The following ALPK2 variants were observed in gnomAD, a reference collection of about 807,000 sequenced individuals.
ALPK2 encodes alpha-protein kinase 2.
ALPK2 carries 127 observed loss-of-function variants against 163.1 expected under a neutral mutation model. That is an observed-to-expected ratio of 0.78 (90% CI 0.67 to 0.90). The LOEUF is 0.90. Ranked by LOEUF, ALPK2 falls within the 40% of genes least tolerant of loss-of-function variation. ALPK2 has a pLI of 0.00. For missense variants in ALPK2, 2,360 were observed against 2,589.6 expected (o/e 0.91, Z 1.92); for synonymous variants, 953 against 959.1 (o/e 0.99, Z 0.12).
At chr18:58,544,851 C>G (rs2051709335) in intron 4 of ALPK2, among the ~76,000 whole-genome samples, 1 of 152,146 alleles carries the variant, frequency 6.6e-6, no homozygotes, top group Non-Finnish European at 1.5e-5. Context: ...TCTCTTGCTA[C>G]CTCCAACTAA....
At chr18:58,614,907 C>T (rs933046186) in intron 1 of ALPK2, among the ~76,000 whole-genome samples, 2 of 152,148 alleles carry the variant, frequency 1.3e-5, no homozygotes, top group African/African-American at 2.4e-5. Flanking sequence ...CCCATTTCCA[C>T]CCTCCCCCCC....
At chr18:58,559,697 C>T (rs2051815489) in intron 4 of ALPK2, among the ~76,000 whole-genome samples, 1 of 152,196 alleles carries the variant, frequency 6.6e-6, no homozygotes, top group African/African-American at 2.4e-5. Flanking sequence ...AAGCTGGCTT[C>T]ATGCCAGGTA....
intron 8 of ALPK2, among the ~76,000 whole-genome samples, chr18:58,519,922 C>T (rs895117790): frequency 1.2e-4 from 18 of 152,178 alleles, no homozygotes; most frequent in African/African-American, 3.4e-4. Flanking sequence ...AGACTTCATC[C>T]TTTAGACCAA....
chr18:58,552,290 C>T (rs964735059), intron 4 of ALPK2, among the ~76,000 whole-genome samples: 1 of 152,190 alleles, frequency 6.6e-6, no homozygotes, highest in Non-Finnish European at 1.5e-5. Flanking sequence ...TAATTTTTCA[C>T]GTTTCTGTCT....
At chr18:58,529,861 A>G (rs1008154606) in intron 5 of ALPK2, among the ~76,000 whole-genome samples, 2 of 152,358 alleles carry the variant, frequency 1.3e-5, no homozygotes, top group African/African-American at 4.8e-5. Context: ...GACCTTTGAA[A>G]TATCACCTCA....
chr18:58,596,012 C>T (rs1300533311), intron 3 of ALPK2, among the ~76,000 whole-genome samples: 1 of 152,156 alleles, frequency 6.6e-6, no homozygotes, highest in African/African-American at 2.4e-5. Flanking sequence ...AAAACATCAG[C>T]TGTCACTCCA....
chr18:58,563,820 T>C (rs1259584784), intron 4 of ALPK2, among the ~76,000 whole-genome samples: 1 of 152,234 alleles, frequency 6.6e-6, no homozygotes, highest in Non-Finnish European at 1.5e-5. Context: ...AAAAGACTCT[T>C]GTCCCGATGG....
chr18:58,491,795 A>G (rs145942326), intron 12 of ALPK2, among the ~76,000 whole-genome samples: 46 of 152,366 alleles, frequency 3.0e-4, no homozygotes, highest in African/African-American at 9.4e-4. Context: ...CATACAGGCA[A>G]GGAGAACTTG....
intron 3 of ALPK2, among the ~76,000 whole-genome samples, chr18:58,583,296 T>C (rs990650050): frequency 6.6e-6 from 1 of 152,130 alleles, no homozygotes; most frequent in Non-Finnish European, 1.5e-5. Flanking sequence ...TGGTCAGTTA[T>C]GCCTAAACTA....
chr18:58,575,315 C>T (rs4940413), intron 4 of ALPK2, among the ~76,000 whole-genome samples: 128,028 of 152,214 alleles, frequency 0.84, 54,143 homozygotes, highest in East Asian at 1. Flanking sequence ...GTCTATTACA[C>T]GGCAGGCACT....
chr18:58,566,847 C>A (rs913902448), intron 4 of ALPK2, among the ~76,000 whole-genome samples: 2 of 152,136 alleles, frequency 1.3e-5, no homozygotes, highest in African/African-American at 4.8e-5. Flanking sequence ...ACTTGAGGAG[C>A]CTAAATTTCT....
intron 12 of ALPK2, among the ~76,000 whole-genome samples, chr18:58,482,441 A>G (rs551071029): frequency 6.6e-6 from 1 of 152,332 alleles, no homozygotes; most frequent in Non-Finnish European, 1.5e-5. Flanking sequence ...AGAATTTCAG[A>G]ACTTTGGAAC....
At chr18:58,529,068 G>A (rs2051598446) in intron 6 of ALPK2, 23 bp downstream of exon 6, 1 of 1,613,784 alleles carries the variant, frequency 6.2e-7, no homozygotes, top group Admixed American at 1.7e-5. Context: ...ACTGTGAAAA[G>A]TAACCAGGGA....
chr18:58,487,716 A>G (rs2051346858), intron 12 of ALPK2, among the ~76,000 whole-genome samples: 1 of 152,124 alleles, frequency 6.6e-6, no homozygotes, highest in Admixed American at 6.5e-5. Flanking sequence ...GGAACACTAA[A>G]TGTACTCCAC....
At chr18:58,540,057 C>T (rs1038078284) in intron 4 of ALPK2, among the ~76,000 whole-genome samples, 1 of 152,224 alleles carries the variant, frequency 6.6e-6, no homozygotes, top group South Asian at 2.1e-4. Flanking sequence ...CTCCAAAGTA[C>T]TAGGGAGTGT....
At chr18:58,590,092 G>A (rs143389435) in intron 3 of ALPK2, among the ~76,000 whole-genome samples, 2,488 of 151,736 alleles carry the variant, frequency 0.016, 33 homozygotes, top group Non-Finnish European at 0.023. Flanking sequence ...GTGGTGGCAC[G>A]TGCCTGTAAT....
intron 4 of ALPK2, among the ~76,000 whole-genome samples, chr18:58,552,060 T>C (rs1189034663): frequency 1.3e-5 from 2 of 152,142 alleles, no homozygotes; most frequent in African/African-American, 2.4e-5. Flanking sequence ...TGATGGTAAA[T>C]GTGAAAGCAC....
intron 3 of ALPK2, among the ~76,000 whole-genome samples, chr18:58,593,339 G>A (rs922584055): frequency 1.3e-5 from 2 of 152,124 alleles, no homozygotes; most frequent in African/African-American, 2.4e-5. Flanking sequence ...GCCAAGGCAG[G>A]TGGATCATGA....
chr18:58,582,042 TAA>T (rs2051961442), intron 3 of ALPK2, among the ~76,000 whole-genome samples: 1 of 152,194 alleles, frequency 6.6e-6, no homozygotes, highest in African/African-American at 2.4e-5. Flanking sequence ...CCAATTTCAA[TAA>T]TGTCTTGTTG....
Sources: gnomAD v4.1 joint callset for allele counts (sites outside exome capture counted in the v4.1 genomes callset) on GRCh38, gnomAD v4.1.1 for gene constraint, MANE v1.5 for transcripts, NCBI Gene and HGNC (gene_info 2026-07-23, HGNC 2026-07-21) for gene names.